Variants in STXBP4 observed in about 807,000 individuals in gnomAD.
STXBP4 encodes the protein syntaxin binding protein 4.
Under a neutral mutation model 76.1 loss-of-function variants are expected in STXBP4, and 55 were observed. The observed-to-expected ratio is 0.72, with a 90% CI of 0.58 to 0.91. STXBP4 has a LOEUF of 0.91. Among genes scored for constraint, STXBP4 ranks in the 40% least tolerant of loss-of-function variants. The pLI, the probability that STXBP4 is intolerant of heterozygous loss-of-function variation, is 0.00. For synonymous variants in STXBP4, 201 were observed against 220.2 expected, an observed-to-expected ratio of 0.91 and a Z score of 0.77; for missense variants, 618 against 636.9, an observed-to-expected ratio of 0.97 and a Z score of 0.32.
chr17:55,048,879 C>G (rs551035618), intron 12 of STXBP4, among the ~76,000 whole-genome samples: 5 of 151,952 alleles, frequency 3.3e-5, no homozygotes, highest in African/African-American at 1.2e-4. Context: ...AGAAAACTTT[C>G]TATAATTAAA....
At chr17:54,974,906 A>G (rs964719372) in intron 1 of STXBP4, among the ~76,000 whole-genome samples, 1 of 152,228 alleles carries the variant, frequency 6.6e-6, no homozygotes, top group Non-Finnish European at 1.5e-5. Context: ...AGAAATTTCT[A>G]GGATGAGTGT....
At chr17:55,074,869 A>G (rs2079161124) in intron 13 of STXBP4, among the ~76,000 whole-genome samples, 1 of 152,010 alleles carries the variant, frequency 6.6e-6, no homozygotes, top group African/African-American at 2.4e-5. Context: ...TTCTAAACCC[A>G]ATATCAGTGG....
intron 8 of STXBP4, among the ~76,000 whole-genome samples, chr17:55,020,978 G>A (rs902824178): frequency 1.3e-5 from 2 of 152,070 alleles, no homozygotes; most frequent in African/African-American, 2.4e-5. Flanking sequence ...CCCAAGTTGT[G>A]ATTTTTCCGG....
In STXBP4 at chr17:55,162,278, C is replaced by T. The variant is rs1405019570; in HGVS notation, c.*2367C>T. 6.6e-6 allele frequency: 1 copy of T among 152,244 alleles called. No homozygotes were observed. The highest frequency in any genetic ancestry group is 6.5e-5 in the Admixed American group (1 of 15,284). 9.4% of individuals were successfully genotyped at this position (152,244 alleles called of 1,614,324 possible). A position where few individuals can be genotyped will look rare whatever the true frequency, so the allele number is the denominator to read the frequency against. ...CCTTTTCCAGTGCAAATACGACCCT[C>T]ATATTATGTTTTGGCGAGTAGCCAG... On this transcript the variant is annotated 3_prime_UTR_variant, in exon 18 of 18. Coordinates refer to ENST00000376352, the MANE Select transcript of STXBP4 (RefSeq NM_178509.6).
At chr17:55,027,626 T>A (rs1339171625) in intron 8 of STXBP4, among the ~76,000 whole-genome samples, 1 of 152,186 alleles carries the variant, frequency 6.6e-6, no homozygotes, top group Non-Finnish European at 1.5e-5. Context: ...TAAGCCTTAC[T>A]GTAGAGTGAA....
the STXBP4 span, among the ~76,000 whole-genome samples, chr17:55,207,839 T>C: frequency 6.6e-6 from 1 of 152,158 alleles, no homozygotes; most frequent in Non-Finnish European, 1.5e-5. Context: ...CGGAACAAGA[T>C]CTAGGATACC....
chr17:55,117,121 A>G (rs1041915123), intron 16 of STXBP4, among the ~76,000 whole-genome samples: 2 of 151,796 alleles, frequency 1.3e-5, no homozygotes, highest in Non-Finnish European at 3.0e-5. Context: ...TTTGTGTCTG[A>G]TGTAATCTTG....
chr17:55,076,199 T>G (rs2079179751), intron 13 of STXBP4, among the ~76,000 whole-genome samples: 1 of 152,174 alleles, frequency 6.6e-6, no homozygotes, highest in Non-Finnish European at 1.5e-5. Context: ...TTGTCAGTAT[T>G]TTAGTTCTTT....
intron 7 of STXBP4, 68 bp downstream of exon 7, chr17:55,000,951 T>A (rs949266933): frequency 9.1e-7 from 1 of 1,099,038 alleles, no homozygotes; most frequent in Admixed American, 2.0e-5. Context: ...GAGTGTGTAA[T>A]GTGACTTAAG....
At chr17:55,208,953 G>A in the STXBP4 span, among the ~76,000 whole-genome samples, 8 of 151,856 alleles carry the variant, frequency 5.3e-5, no homozygotes, top group Non-Finnish European at 1.0e-4. Context: ...ATAGTGGTGG[G>A]CACCTGTAAT....
chr17:55,097,702 A>G (rs1354036764), intron 16 of STXBP4, among the ~76,000 whole-genome samples: 2 of 152,206 alleles, frequency 1.3e-5, no homozygotes, highest in African/African-American at 2.4e-5. Context: ...CTACAGATAA[A>G]TGAAATAAAT....
chr17:54,993,902 G>A (rs141776921), intron 4 of STXBP4, among the ~76,000 whole-genome samples: 3 of 152,118 alleles, frequency 2.0e-5, no homozygotes, highest in East Asian at 3.9e-4. Flanking sequence ...AAACTGTAAG[G>A]GAGTTATTGG....
chr17:54,977,106 T>C (rs1187568581), intron 1 of STXBP4, among the ~76,000 whole-genome samples: 1 of 152,160 alleles, frequency 6.6e-6, no homozygotes, highest in Non-Finnish European at 1.5e-5. Flanking sequence ...GTTTTCTGTG[T>C]AGTGAGCAAC....
At chr17:55,101,154 A>G (rs2079559121) in intron 16 of STXBP4, among the ~76,000 whole-genome samples, 2 of 152,178 alleles carry the variant, frequency 1.3e-5, no homozygotes, top group South Asian at 2.1e-4. Context: ...ACCATAAACT[A>G]TTGCCATTTG....
chr17:55,030,299 T>G (rs1186018347), intron 8 of STXBP4, among the ~76,000 whole-genome samples: 1 of 152,180 alleles, frequency 6.6e-6, no homozygotes, highest in Admixed American at 6.5e-5. Flanking sequence ...TCAGTTCCTC[T>G]TTCTTTCCTT....
intron 12 of STXBP4, among the ~76,000 whole-genome samples, chr17:55,056,255 A>G (rs1272335515): frequency 6.6e-6 from 1 of 152,170 alleles, no homozygotes; most frequent in African/African-American, 2.4e-5. Flanking sequence ...TATTTTTAAA[A>G]TTCATTATGA....
At chr17:54,987,059 A>G (rs1398578632) in intron 3 of STXBP4, among the ~76,000 whole-genome samples, 3 of 152,362 alleles carry the variant, frequency 2.0e-5, no homozygotes, top group African/African-American at 7.2e-5. Flanking sequence ...GGCCAAAGCA[A>G]TTTAAATAGC....
chr17:55,051,401 T>C (rs562797314), intron 12 of STXBP4, among the ~76,000 whole-genome samples: 12 of 152,246 alleles, frequency 7.9e-5, no homozygotes, highest in African/African-American at 2.9e-4. Flanking sequence ...CAGGATGGAA[T>C]TGAGTTGGGA....
At position 55,034,166 on chromosome 17, in the gene STXBP4, A is replaced by G; in HGVS notation, c.764-2A>G. ...TTCTTACTTAAATGTGTTCCATTTTAGATTTTGTCCAGGTTGCCAGAAACT... is the reference window on the plus strand; with the variant it reads ...TTCTTACTTAAATGTGTTCCATTTTGGATTTTGTCCAGGTTGCCAGAAACT... On this transcript the variant is annotated splice_acceptor_variant, in intron 9 of 17. Transcript: ENST00000376352. LOFTEE classifies it high-confidence loss of function. The G allele has an allele frequency of 1.2e-6, 2 of 1,611,190 alleles. No individual in the cohort carries two copies. The highest frequency in any genetic ancestry group is 1.7e-6 in the Non-Finnish European group (2 of 1,177,972).
Sources: gnomAD v4.1 joint callset for allele counts (sites outside exome capture counted in the v4.1 genomes callset) on GRCh38, gnomAD v4.1.1 for gene constraint, MANE v1.5 for transcripts, NCBI Gene and HGNC (gene_info 2026-07-23, HGNC 2026-07-21) for gene names.